GOLGA4: variants seen among roughly 807,000 people sequenced by gnomAD.
GOLGA4 encodes golgin subfamily A member 4.
Under a neutral mutation model 265.9 loss-of-function variants are expected in GOLGA4, and 169 were observed. The ratio of observed to expected loss-of-function variants is 0.64; its 90% CI spans 0.56 to 0.72. The LOEUF is 0.72. GOLGA4 is among the 30% of genes least tolerant of loss of function. The pLI is 0.00. For missense variants in GOLGA4, 2,482 were observed against 2,483.4 expected, an observed-to-expected ratio of 1.00 and a Z score of 0.01; for synonymous variants, 923 against 855.8, an observed-to-expected ratio of 1.08 and a Z score of -1.37.
intron 8 of GOLGA4, 72 bp downstream of exon 8, chr3:37,299,092 G>A (rs1352651879): frequency 3.9e-6 from 5 of 1,292,798 alleles, no homozygotes; most frequent in Non-Finnish European, 5.4e-6. Context: ...AGCATGGCTT[G>A]TACCTCCGGG....
At chr3:37,337,843 C>CTGT in intron 19 of GOLGA4, 109 bp downstream of exon 19, 1 of 665,344 alleles carries the variant, frequency 1.5e-6, no homozygotes, top group South Asian at 1.9e-5. Context: ...AGTCTTACAC[C>CTGT]CAGGAAATTT....
intron 22 of GOLGA4, among the ~76,000 whole-genome samples, chr3:37,359,919 T>C (rs1025575856): frequency 6.6e-6 from 1 of 152,178 alleles, no homozygotes; most frequent in Non-Finnish European, 1.5e-5. Flanking sequence ...ATATTTGTTT[T>C]CTTGAGATTG....
intron 16 of GOLGA4, among the ~76,000 whole-genome samples, chr3:37,332,921 T>TA (rs1435357887): frequency 6.6e-6 from 1 of 152,254 alleles, no homozygotes; most frequent in Non-Finnish European, 1.5e-5. Flanking sequence ...ATTTGTTACT[T>TA]ATGTGATTTT....
intron 4 of GOLGA4, chr3:37,287,586 CGTT>C (rs1264219341): frequency 1.3e-5 from 2 of 152,152 alleles, no homozygotes; most frequent in Non-Finnish European, 2.9e-5. Flanking sequence ...GAGAGTGACT[CGTT>C]CATTGTTGCA....
chr3:37,306,487 T>G (rs998717178), intron 10 of GOLGA4, among the ~76,000 whole-genome samples: 1 of 147,070 alleles, frequency 6.8e-6, no homozygotes, highest in African/African-American at 2.5e-5. Context: ...TTCACACTAG[T>G]TCTTGGCTGT....
At position 37,296,228 on chromosome 3, in the gene GOLGA4, C is replaced by T; in HGVS notation, c.814+9C>T. 6.2e-7 allele frequency: 1 copy of T among 1,613,672 alleles called. No individual in the cohort carries two copies. The highest frequency in any genetic ancestry group is 1.1e-5 in the South Asian group (1 of 91,066). On this transcript the variant is annotated intron_variant, in intron 7 of 23. Transcript: ENST00000361924. ...TGATGGAGAGCCAGTAGGTAAGCTT[C>T]ATTTTGTCAAAAGGTTAATTTAAAA...
In GOLGA4 at chr3:37,289,275, TAGC is replaced by T; in HGVS notation, c.569_571del (p.Ala190del). The stretch of plus-strand genomic sequence containing the variant: ...AGTCAGGATAAATCACTTCGGAGAA[TAGC>T]AGAATTAAGAGAGGTAAGTTTCAGT... On this transcript the variant is annotated inframe_deletion, in exon 5 of 24. Coordinates refer to ENST00000361924, the MANE Select transcript of GOLGA4 (RefSeq NM_002078.5). 6.3e-7 allele frequency: 1 copy of T among 1,582,784 alleles called. No homozygotes were observed. The highest frequency in any genetic ancestry group is 8.7e-7 in the Non-Finnish European group (1 of 1,154,274).
chr3:37,275,436 A>C (rs2096813815), intron 2 of GOLGA4, among the ~76,000 whole-genome samples: 1 of 152,006 alleles, frequency 6.6e-6, no homozygotes, highest in African/African-American at 2.4e-5. Context: ...GAAATACATA[A>C]TTTTCTATAA....
At chr3:37,341,531 A>T (rs1262658071) in intron 20 of GOLGA4, 1 of 152,220 alleles carries the variant, frequency 6.6e-6, no homozygotes, top group Non-Finnish European at 1.5e-5. Flanking sequence ...GCTCCTCAAA[A>T]AGAAGTAAAA....
intron 10 of GOLGA4, among the ~76,000 whole-genome samples, chr3:37,306,993 A>G (rs1004836357): frequency 1.9e-4 from 29 of 152,202 alleles, no homozygotes; most frequent in Non-Finnish European, 4.0e-4. Flanking sequence ...GCCATTAAAA[A>G]AGTAACCCAT....
chr3:37,324,549 A>C lies in GOLGA4; in HGVS notation c.2663A>C (p.Tyr888Ser). The change falls in exon 14 of 24, where the codon TAT (tyrosine) becomes TCT (serine). Residue 888 changes from tyrosine to serine, a missense_variant. Around this residue, in one of 3 missense-constraint regions of GOLGA4, gnomAD observed 1,536 missense variants for 1,483.7 expected, o/e 1.04. Coordinates refer to ENST00000361924, the MANE Select transcript of GOLGA4 (RefSeq NM_002078.5). The stretch of plus-strand genomic sequence containing the variant: ...AAAGTAAAATCTTTAACCCAAGTCT[A>C]TGAGTCCAAACTTGAAGATGGTAAC... ...EQKVKSLTQVYESKLEDGNKE... is the reference protein window; with the variant it reads ...EQKVKSLTQVSESKLEDGNKE... The C allele has an allele frequency of 6.2e-7, 1 of 1,613,962 alleles. No individual in the cohort carries two copies. Among genetic ancestry groups the C allele is most frequent in the South Asian group, 1.1e-5 (1 of 91,040 alleles).
At chr3:37,289,323 G>C in intron 5 of GOLGA4, 32 bp downstream of exon 5, 2 of 1,285,590 alleles carry the variant, frequency 1.6e-6, no homozygotes, top group Non-Finnish European at 2.2e-6. Context: ...TTTGAAAATA[G>C]TAATTAAATC....
intron 13 of GOLGA4, among the ~76,000 whole-genome samples, chr3:37,322,570 T>G (rs2150954649): frequency 6.6e-6 from 1 of 152,280 alleles, no homozygotes; most frequent in Middle Eastern, 3.4e-3. Flanking sequence ...CACTAACACT[T>G]GCAAAAGGTT....
chr3:37,354,899 T>TA (rs1309256191), intron 21 of GOLGA4, among the ~76,000 whole-genome samples: 4 of 152,166 alleles, frequency 2.6e-5, no homozygotes, highest in African/African-American at 9.6e-5. Context: ...GTTAAAATAA[T>TA]ATGTGTAGAC....
Position 37,361,276 on chromosome 3 carries a change from A to G in GOLGA4, c.*4A>G, listed in dbSNP as rs1696246525. On this transcript the variant is annotated 3_prime_UTR_variant, in exon 23 of 24. Coordinates refer to ENST00000361924, the MANE Select transcript of GOLGA4 (RefSeq NM_002078.5). ...ACCTCGCAGTGGTATCTTCTGAGTAAACCATCAGTCTGTGCTTAGTTAACA... is the reference window on the plus strand; with the variant it reads ...ACCTCGCAGTGGTATCTTCTGAGTAGACCATCAGTCTGTGCTTAGTTAACA... 1.2e-6 allele frequency: 2 copies of G among 1,613,076 alleles called. No individual in the cohort carries two copies. Among genetic ancestry groups the G allele is most frequent in the Non-Finnish European group, 1.7e-6 (2 of 1,179,314 alleles).
chr3:37,248,220 T>C (rs1560264571), intron 1 of GOLGA4, among the ~76,000 whole-genome samples: 1 of 152,210 alleles, frequency 6.6e-6, no homozygotes, highest in African/African-American at 2.4e-5. Flanking sequence ...AGTGATCGTC[T>C]TGCCTTGGCC....
At chr3:37,365,964 C>G in intron 23 of GOLGA4, 116 bp from the exon 24 acceptor site, 1 of 849,156 alleles carries the variant, frequency 1.2e-6, no homozygotes, top group Non-Finnish European at 1.8e-6. Context: ...AGTCTCTAGA[C>G]CATGGAATAG....
chr3:37,276,317 A>C, intron 2 of GOLGA4: 1 of 1,604,602 alleles, frequency 6.2e-7, no homozygotes, highest in Middle Eastern at 1.8e-4. Context: ...TTTAAGGAAA[A>C]ATGTCCTCTG....
intron 2 of GOLGA4, among the ~76,000 whole-genome samples, chr3:37,278,450 G>A (rs1380649694): frequency 2.0e-5 from 3 of 152,064 alleles, no homozygotes; most frequent in African/African-American, 4.8e-5. Context: ...TGATCCACCC[G>A]CCTTGGCCTC....
Sources: allele counts gnomAD v4.1 joint callset (sites outside exome capture counted in the v4.1 genomes callset), GRCh38; gene constraint gnomAD v4.1.1; regional missense constraint gnomAD v4.1.1; transcripts MANE v1.5; gene names NCBI Gene and HGNC (gene_info 2026-07-23, HGNC 2026-07-21).